SOCS2: variants seen among roughly 807,000 people sequenced by gnomAD.
The protein encoded by SOCS2 is CIS-2.
SOCS2 carries 10 observed loss-of-function variants against 18.6 expected under a neutral mutation model. The ratio of observed to expected loss-of-function variants is 0.54; its 90% CI spans 0.33 to 0.91. SOCS2 has a LOEUF of 0.91. SOCS2 is among the 40% of genes least tolerant of loss of function. SOCS2 has a pLI of 0.02. For missense variants in SOCS2, 231 were observed against 247.2 expected (o/e 0.93, Z 0.44); for synonymous variants, 104 against 104.0 (o/e 1.00, Z 0.00).
the SOCS2 span, among the ~76,000 whole-genome samples, chr12:93,626,184 CTCT>C: frequency 6.6e-6 from 1 of 152,136 alleles, no homozygotes; most frequent in African/African-American, 2.4e-5. Flanking sequence ...ATGCCGTTCT[CTCT>C]TAACAATGTA....
downstream of SOCS2, among the ~76,000 whole-genome samples, chr12:93,579,798 T>G (rs939883783): frequency 2.6e-5 from 4 of 152,176 alleles, no homozygotes; most frequent in African/African-American, 9.7e-5. Context: ...GCTTTTCCTA[T>G]CTACCCCTTC....
At chr12:93,606,065 A>G in the SOCS2 span, among the ~76,000 whole-genome samples, 1 of 152,276 alleles carries the variant, frequency 6.6e-6, no homozygotes, top group East Asian at 1.9e-4. Flanking sequence ...AGCTCCTCCT[A>G]TCTTGTTGCT....
the SOCS2 span, among the ~76,000 whole-genome samples, chr12:93,608,202 C>T: frequency 0.015 from 2,294 of 151,238 alleles, 70 homozygotes; most frequent in African/African-American, 0.053. Flanking sequence ...GGTCTTGTTA[C>T]ATTGGCCAGG....
At chr12:93,625,676 A>T in the SOCS2 span, among the ~76,000 whole-genome samples, 1 of 140,960 alleles carries the variant, frequency 7.1e-6, no homozygotes, top group Non-Finnish European at 1.5e-5. Flanking sequence ...TGAACCTGGG[A>T]GGCGGAGGTT....
the SOCS2 span, among the ~76,000 whole-genome samples, chr12:93,620,104 G>A: frequency 8.6e-5 from 13 of 151,664 alleles, no homozygotes; most frequent in African/African-American, 2.4e-4. Context: ...ATATTTGCTG[G>A]TTTACTTACC....
At chr12:93,571,716 G>T (rs988468365), upstream of SOCS2, 29 of 289,844 alleles carry the variant, frequency 1.0e-4, no homozygotes, top group Admixed American at 5.0e-5. Context: ...AACTCCGACC[G>T]CCGCCTCCGA....
chr12:93,580,244 AT>A (rs1394928531), downstream of SOCS2, among the ~76,000 whole-genome samples: 1 of 152,102 alleles, frequency 6.6e-6, no homozygotes, highest in African/African-American at 2.4e-5. Context: ...TTTGCTAAGC[AT>A]TTTTTCCCTT....
downstream of SOCS2, among the ~76,000 whole-genome samples, chr12:93,581,482 A>ATC (rs1954538977): frequency 6.6e-6 from 1 of 151,666 alleles, no homozygotes; most frequent in Non-Finnish European, 1.5e-5. Flanking sequence ...GGATCAGGCC[A>ATC]TCTCCTGATT....
the SOCS2 span, among the ~76,000 whole-genome samples, chr12:93,614,615 CTTT>C: frequency 1.0e-5 from 1 of 96,268 alleles, no homozygotes; most frequent in Non-Finnish European, 2.0e-5. Context: ...TTCTTTCTTT[CTTT>C]CTTTCTTTCT....
chr12:93,582,732 TG>T (rs1954557080), intron 1 of SOCS2, among the ~76,000 whole-genome samples: 1 of 152,206 alleles, frequency 6.6e-6, no homozygotes, highest in African/African-American at 2.4e-5. Flanking sequence ...GGGTCCACTC[TG>T]GTTCTCTGAC....
chr12:93,618,736 T>C, the SOCS2 span, among the ~76,000 whole-genome samples: 2 of 152,228 alleles, frequency 1.3e-5, no homozygotes, highest in Non-Finnish European at 2.9e-5. Flanking sequence ...ATTGTCTCAC[T>C]ACTTTACTTT....
chr12:93,579,401 A>G (rs550808483), downstream of SOCS2, among the ~76,000 whole-genome samples: 68 of 152,306 alleles, frequency 4.5e-4, no homozygotes, highest in African/African-American at 1.6e-3. Context: ...GGTTCCATTC[A>G]GGTTGTGAAG....
At chr12:93,606,370 G>A in the SOCS2 span, among the ~76,000 whole-genome samples, 26 of 152,092 alleles carry the variant, frequency 1.7e-4, no homozygotes, top group Admixed American at 1.6e-3. Context: ...TCAAGCCCAA[G>A]TTACCCCATT....
In SOCS2 at chr12:93,576,630, T is replaced by C. The variant is rs1954469413; in HGVS notation, c.*1451T>C. 1 of 152,238 alleles carries C rather than the reference T, an allele frequency of 6.6e-6. No homozygotes were observed. The allele number at this position is 152,238 out of a possible 1,614,324, so 9.4% of individuals were successfully genotyped here. On this transcript the variant is annotated 3_prime_UTR_variant, in exon 2 of 2. Transcript: ENST00000551556. ...TTCTAGAGTCCAGACATTATTTATTTTATGGCTTTAAAATTTTCCTGCATA... is the reference window on the plus strand; with the variant it reads ...TTCTAGAGTCCAGACATTATTTATTCTATGGCTTTAAAATTTTCCTGCATA...
downstream of SOCS2, among the ~76,000 whole-genome samples, chr12:93,578,686 A>G (rs930005304): frequency 6.7e-5 from 10 of 148,744 alleles, no homozygotes; most frequent in Non-Finnish European, 1.0e-4. Flanking sequence ...ATGCTCGCAC[A>G]CACACACACA....
upstream of SOCS2, chr12:93,571,749 G>C (rs1240083076): frequency 1.6e-5 from 5 of 320,278 alleles, no homozygotes; most frequent in Admixed American, 1.6e-4. Flanking sequence ...TTGCATCCCC[G>C]GGCATCTCGT....
upstream of SOCS2, chr12:93,571,011 C>T (rs1954232097): frequency 6.5e-6 from 1 of 154,032 alleles, no homozygotes; most frequent in African/African-American, 2.4e-5. Context: ...GGAAGTCGCG[C>T]GCACTCGCTG....
the SOCS2 span, among the ~76,000 whole-genome samples, chr12:93,615,517 T>A: frequency 6.6e-6 from 1 of 152,350 alleles, no homozygotes; most frequent in East Asian, 1.9e-4. Flanking sequence ...TTTAATTGGA[T>A]TAAGGTATTC....
chr12:93,623,836 C>T, the SOCS2 span, among the ~76,000 whole-genome samples: 1 of 152,178 alleles, frequency 6.6e-6, no homozygotes, highest in Non-Finnish European at 1.5e-5. Flanking sequence ...TCCCAAATAG[C>T]TGGGATTACA....
Sources: gnomAD v4.1 joint callset for allele counts (sites outside exome capture counted in the v4.1 genomes callset) on GRCh38, gnomAD v4.1.1 for gene constraint, MANE v1.5 for transcripts, NCBI Gene and HGNC (gene_info 2026-07-23, HGNC 2026-07-21) for gene names.